The following ALK variants were observed in gnomAD, a reference collection of about 807,000 sequenced individuals.
The protein encoded by ALK is ALK tyrosine kinase receptor.
Under a neutral mutation model 163.1 loss-of-function variants are expected in ALK, and 74 were observed. The ratio of observed to expected loss-of-function variants is 0.45; its 90% CI spans 0.38 to 0.55. The LOEUF (loss-of-function observed/expected upper bound fraction) is 0.55, where lower values mean the gene tolerates loss of function less well. ALK is among the 20% of genes least tolerant of loss of function. ALK has a pLI of 0.00. For missense variants in ALK, 2,063 were observed against 2,105.3 expected, an observed-to-expected ratio of 0.98 and a Z score of 0.39; for synonymous variants, 960 against 843.2, an observed-to-expected ratio of 1.14 and a Z score of -2.40.
chr2:29,572,692 C>T (rs898351875), intron 3 of ALK, among the ~76,000 whole-genome samples: 12 of 152,184 alleles, frequency 7.9e-5, no homozygotes, highest in Non-Finnish European at 1.6e-4. Context: ...AGGTGAGGAC[C>T]ATGCCTGCCT....
intron 1 of ALK, among the ~76,000 whole-genome samples, chr2:29,725,836 G>A (rs1348119156): frequency 6.6e-6 from 1 of 152,064 alleles, no homozygotes; most frequent in Non-Finnish European, 1.5e-5. Context: ...TATAACGAAG[G>A]CCATGTGACA....
At position 29,520,635 on chromosome 2, in the gene ALK, T is replaced by C. The variant is rs141277053; in HGVS notation, c.1154+11280A>G. ...GTGGAAAAGGAGCTAAGAGATTCCT[T>C]CTTGGAGGAGAAGACCTATTGTTCT... On this transcript the variant is annotated intron_variant, in intron 4 of 28. Transcript: ENST00000389048. Among the ~76,000 whole-genome samples the C allele has an allele frequency of 1.3e-3, 204 of 152,118 alleles. 1 individual carries two copies. Among genetic ancestry groups the C allele is most frequent in the African/African-American group, 4.2e-3 (176 of 41,486 alleles).
At chr2:29,328,553 G>A (rs2148258611) in intron 5 of ALK, 72 bp from the exon 6 acceptor site, 6 of 1,600,182 alleles carry the variant, frequency 3.7e-6, no homozygotes, top group Non-Finnish European at 5.1e-6. Context: ...TGATGGGTTG[G>A]TCCCATGGGC....
intron 4 of ALK, among the ~76,000 whole-genome samples, chr2:29,405,048 G>T (rs538282204): frequency 6.6e-6 from 1 of 152,204 alleles, no homozygotes; most frequent in African/African-American, 2.4e-5. Context: ...TAAAAGAATA[G>T]ATAATGCTAC....
At chr2:29,810,861 T>C (rs552903151) in intron 1 of ALK, among the ~76,000 whole-genome samples, 1 of 152,214 alleles carries the variant, frequency 6.6e-6, no homozygotes, top group Admixed American at 6.5e-5. Flanking sequence ...GTTATAAAGA[T>C]AGGGCTCTAC....
At chr2:29,775,545 A>AAC (rs994188833) in intron 1 of ALK, among the ~76,000 whole-genome samples, 14 of 152,154 alleles carry the variant, frequency 9.2e-5, no homozygotes, top group African/African-American at 3.4e-4. Flanking sequence ...TACAAAAAAA[A>AAC]AAAAACAAAA....
chr2:29,914,351 C>T (rs1185613180), intron 1 of ALK, among the ~76,000 whole-genome samples: 2 of 152,226 alleles, frequency 1.3e-5, no homozygotes, highest in South Asian at 2.1e-4. Flanking sequence ...ATCACAACTG[C>T]TGCTGCCAAG....
At chr2:29,213,594 C>T (rs1669518415) in intron 24 of ALK, among the ~76,000 whole-genome samples, 1 of 152,154 alleles carries the variant, frequency 6.6e-6, no homozygotes, top group South Asian at 2.1e-4. Context: ...TTAAGAATAA[C>T]TTATAGGTCT....
chr2:29,216,628 G>C (rs776610332), intron 23 of ALK, among the ~76,000 whole-genome samples: 10 of 151,962 alleles, frequency 6.6e-5, no homozygotes, highest in African/African-American at 2.4e-4. Flanking sequence ...TGTGGTGTGC[G>C]TGTGTATTGT....
In ALK at chr2:29,222,614, A is replaced by G. The variant is rs2148169468; in HGVS notation, c.3360-7T>C. On this transcript the variant is annotated splice_polypyrimidine_tract_variant and splice_region_variant and intron_variant, in intron 20 of 28. Coordinates refer to ENST00000389048, the MANE Select transcript of ALK (RefSeq NM_004304.5). ...GGCGCCATGGCCCAGACCCCTGTGCAAAGGAGAAGACAAGAGGAGACAGAG... is the reference window on the plus strand; with the variant it reads ...GGCGCCATGGCCCAGACCCCTGTGCGAAGGAGAAGACAAGAGGAGACAGAG... 6.2e-7 allele frequency: 1 copy of G among 1,613,152 alleles called. No homozygotes were observed. The highest frequency in any genetic ancestry group is 8.5e-7 in the Non-Finnish European group (1 of 1,179,582).
At chr2:29,538,191 G>C (rs556187235) in intron 3 of ALK, among the ~76,000 whole-genome samples, 1 of 151,886 alleles carries the variant, frequency 6.6e-6, no homozygotes, top group African/African-American at 2.4e-5. Flanking sequence ...ATGATATTTG[G>C]GGGGGGCAGG....
At chr2:29,650,877 G>T (rs1677018380) in intron 3 of ALK, among the ~76,000 whole-genome samples, 1 of 152,116 alleles carries the variant, frequency 6.6e-6, no homozygotes. Flanking sequence ...AGCTCTTGAA[G>T]CTGCAACAGC....
chr2:29,920,103 C>T lies in ALK; in HGVS notation c.557G>A (p.Arg186Lys), dbSNP rs774403380. The change falls in exon 1 of 29, where the codon AGG (arginine) becomes AAG (lysine). Residue 186 changes from arginine (R) to lysine (K), a missense_variant. This residue lies in a region of ALK where 987 missense variants were observed against 939.5 expected (regional missense o/e 1.05). Coordinates refer to ENST00000389048, the MANE Select transcript of ALK (RefSeq NM_004304.5). ...CTTCTTCTCGGGCATCAGGCGGATC[C>T]TCAGTCGCCCTTCGCCTTGGCGAAT... ...WWIRQGEGRL[R>K]IRLMPEKKAS... The T allele has an allele frequency of 6.2e-7, 1 of 1,614,178 alleles. No homozygotes were observed. The highest frequency in any genetic ancestry group is 8.5e-7 in the Non-Finnish European group (1 of 1,180,054).
At chr2:29,215,460 G>C (rs1219739944) in intron 23 of ALK, among the ~76,000 whole-genome samples, 1 of 152,166 alleles carries the variant, frequency 6.6e-6, no homozygotes, top group Non-Finnish European at 1.5e-5. Context: ...ACATGCCCCA[G>C]AGCACATACA....
intron 4 of ALK, among the ~76,000 whole-genome samples, chr2:29,487,261 G>A (rs1388795241): frequency 5.9e-5 from 9 of 152,196 alleles, no homozygotes; most frequent in Non-Finnish European, 1.3e-4. Context: ...AGCTTGAATG[G>A]ATGCTTCCTA....
At chr2:29,370,774 C>T (rs1444449477) in intron 5 of ALK, among the ~76,000 whole-genome samples, 1 of 152,184 alleles carries the variant, frequency 6.6e-6, no homozygotes, top group Non-Finnish European at 1.5e-5. Flanking sequence ...CACCTTCTGG[C>T]CCACTTCCCC....
Position 29,289,590 on chromosome 2 carries a change from C to T in ALK, c.1817+7298G>A, listed in dbSNP as rs374164633. Among the ~76,000 whole-genome samples the T allele has an allele frequency of 6.6e-5, 10 of 152,204 alleles. 1 individual carries two copies. Among genetic ancestry groups the T allele is most frequent in the South Asian group, 2.1e-4 (1 of 4,812 alleles). On this transcript the variant is annotated intron_variant, in intron 9 of 28. Transcript: ENST00000389048. ...TTATTTTCTTCACTCACCATGTGAA[C>T]GAATCGGTTTTGCCTAAGTGTATAT...
chr2:29,344,017 T>C (rs1667876136), intron 5 of ALK, among the ~76,000 whole-genome samples: 1 of 151,952 alleles, frequency 6.6e-6, no homozygotes, highest in African/African-American at 2.4e-5. Flanking sequence ...TGAGGACACC[T>C]AGAGGAAACA....
intron 1 of ALK, among the ~76,000 whole-genome samples, chr2:29,762,826 C>T (rs764707633): frequency 3.9e-5 from 6 of 152,150 alleles, no homozygotes; most frequent in Admixed American, 6.5e-5. Context: ...CAGTGGCTCA[C>T]GACTGTAATC....
Sources: allele counts gnomAD v4.1 joint callset (sites outside exome capture counted in the v4.1 genomes callset), GRCh38; gene constraint gnomAD v4.1.1; regional missense constraint gnomAD v4.1.1; transcripts MANE v1.5; gene names NCBI Gene and HGNC (gene_info 2026-07-23, HGNC 2026-07-21).